The following DENND1A variants were observed in gnomAD, a reference collection of about 807,000 sequenced individuals.
DENND1A encodes the protein DENN domain-containing protein 1A.
A neutral mutation model predicts 113.7 loss-of-function variants in DENND1A; 51 were observed. The ratio of observed to expected loss-of-function variants is 0.45; its 90% CI spans 0.36 to 0.57. DENND1A has a LOEUF of 0.57. Among genes scored for constraint, DENND1A ranks in the 20% least tolerant of loss-of-function variants. The pLI, the probability that DENND1A is intolerant of heterozygous loss-of-function variation, is 0.00. For synonymous variants in DENND1A, 565 were observed against 570.8 expected (o/e 0.99, Z 0.14); for missense variants, 1,258 against 1,395.9 (o/e 0.90, Z 1.57).
chr9:123,547,516 T>A (rs2056780468), intron 13 of DENND1A, among the ~76,000 whole-genome samples: 1 of 152,032 alleles, frequency 6.6e-6, no homozygotes, highest in South Asian at 2.1e-4. Context: ...GCAACAAGAG[T>A]GAAGCTCTGT....
At chr9:123,661,182 C>T (rs376800123) in intron 8 of DENND1A, among the ~76,000 whole-genome samples, 1 of 152,260 alleles carries the variant, frequency 6.6e-6, no homozygotes, top group South Asian at 2.1e-4. Context: ...GGCTAGGAGA[C>T]GGGGTGCAAA....
chr9:123,512,755 A>G (rs1363157157), intron 13 of DENND1A, among the ~76,000 whole-genome samples: 1 of 152,238 alleles, frequency 6.6e-6, no homozygotes, highest in African/African-American at 2.4e-5. Flanking sequence ...AAGGAGGGGC[A>G]GATTTGGAGT....
At chr9:123,902,317 T>G (rs567231806) in intron 1 of DENND1A, among the ~76,000 whole-genome samples, 9 of 152,224 alleles carry the variant, frequency 5.9e-5, no homozygotes, top group South Asian at 2.1e-4. Flanking sequence ...AAAAGTTCAG[T>G]GAAAGCAGAG....
chr9:123,719,893 C>T (rs1181954387), intron 5 of DENND1A, among the ~76,000 whole-genome samples: 2 of 152,136 alleles, frequency 1.3e-5, no homozygotes, highest in African/African-American at 2.4e-5. Context: ...AAGTTTCCAA[C>T]TCTAGAACAT....
intron 2 of DENND1A, among the ~76,000 whole-genome samples, chr9:123,855,491 A>C (rs934711871): frequency 6.6e-6 from 1 of 152,190 alleles, no homozygotes; most frequent in African/African-American, 2.4e-5. Flanking sequence ...GGTATGAAAG[A>C]AAATAGACTA....
intron 11 of DENND1A, among the ~76,000 whole-genome samples, chr9:123,602,368 AT>A (rs972325672): frequency 1.3e-5 from 2 of 152,070 alleles, no homozygotes; most frequent in African/African-American, 2.4e-5. Flanking sequence ...TCTTTCATAT[AT>A]TTTTTTCCAA....
chr9:123,561,530 T>C (rs1564722415), intron 12 of DENND1A, among the ~76,000 whole-genome samples: 1 of 152,136 alleles, frequency 6.6e-6, no homozygotes, highest in East Asian at 1.9e-4. Context: ...GTCCTTTAAA[T>C]AAAAGTAAGG....
intron 12 of DENND1A, chr9:123,569,557 C>T (rs543551957): frequency 5.9e-5 from 9 of 152,354 alleles, no homozygotes; most frequent in East Asian, 1.9e-4. Flanking sequence ...CATACACACA[C>T]GCTTAGGGCA....
chr9:123,847,041 A>G (rs1325840877), intron 2 of DENND1A, among the ~76,000 whole-genome samples: 2 of 152,198 alleles, frequency 1.3e-5, no homozygotes, highest in Non-Finnish European at 2.9e-5. Flanking sequence ...ACAGGGTCTC[A>G]CTATTTGCCC....
chr9:123,674,841 C>CT lies in DENND1A; in HGVS notation c.372+1878dup, dbSNP rs11327678. Among the ~76,000 whole-genome samples the CT allele has an allele frequency of 2.1e-3, 278 of 132,328 alleles. 2 individuals carry two copies. The highest frequency in any genetic ancestry group is 7.8e-3 in the Middle Eastern group (2 of 256). 86.8% of individuals were successfully genotyped at this position (132,328 alleles called of 152,430 possible). A position where few individuals can be genotyped will look rare whatever the true frequency, so the allele number is the denominator to read the frequency against. ...TCTTTGTTTTGCTGAGTTTTTTTCT[C>CT]TTTTTTTTTTTTTTTTGGACTGGAA... On this transcript the variant is annotated intron_variant, in intron 6 of 23. Transcript: ENST00000394215.
chr9:123,857,960 G>A (rs907971316), intron 2 of DENND1A, among the ~76,000 whole-genome samples: 2 of 151,768 alleles, frequency 1.3e-5, no homozygotes, highest in Non-Finnish European at 2.9e-5. Context: ...TCAGGAAGCT[G>A]AGGCAGGAGA....
chr9:123,743,229 AC>A lies in DENND1A; in HGVS notation c.302+14473del. Among the ~76,000 whole-genome samples, 4 of 152,012 alleles carry A rather than the reference AC, an allele frequency of 2.6e-5. No individual in the cohort carries two copies. In the South Asian group the frequency reaches 8.3e-4, roughly 32 times the overall value. On this transcript the variant is annotated intron_variant, in intron 5 of 23. Coordinates refer to ENST00000394215, the MANE Select transcript of DENND1A (RefSeq NM_001352964.2). ...AGGTCAGCCTGGCCAACATGACAAAACCCTGTCTCTACTAAAAATAAATTAG... is the reference window on the plus strand; with the variant it reads ...AGGTCAGCCTGGCCAACATGACAAAACCTGTCTCTACTAAAAATAAATTAG...
chr9:123,852,818 A>G (rs1267971498), intron 2 of DENND1A, among the ~76,000 whole-genome samples: 1 of 152,242 alleles, frequency 6.6e-6, no homozygotes, highest in East Asian at 1.9e-4. Flanking sequence ...ACACAGCTCA[A>G]AAACATTGGC....
chr9:123,506,656 A>T (rs185695785), intron 13 of DENND1A, among the ~76,000 whole-genome samples: 3 of 151,978 alleles, frequency 2.0e-5, no homozygotes, highest in Non-Finnish European at 4.4e-5. Context: ...TATCCTCATA[A>T]CAACTTACAG....
At chr9:123,662,220 T>C (rs889679043) in intron 8 of DENND1A, among the ~76,000 whole-genome samples, 1 of 152,192 alleles carries the variant, frequency 6.6e-6, no homozygotes, top group African/African-American at 2.4e-5. Flanking sequence ...TCTTCAAAGT[T>C]GGGAAGATAG....
chr9:123,646,752 C>A lies in DENND1A; in HGVS notation c.618+5261G>T, dbSNP rs193273616. On this transcript the variant is annotated intron_variant, in intron 9 of 23. Coordinates refer to ENST00000394215, the MANE Select transcript of DENND1A (RefSeq NM_001352964.2). The stretch of plus-strand genomic sequence containing the variant: ...AGCTTCATGAGGACAGGGATTGTTG[C>A]CTGTTTTGTTCACTGCCGTAATCCC... Among the ~76,000 whole-genome samples, 358 of 152,216 alleles carry A rather than the reference C, an allele frequency of 2.4e-3. 3 individuals are homozygous for A. The highest frequency in any genetic ancestry group is 8.3e-3 in the African/African-American group (344 of 41,528).
chr9:123,827,431 C>T (rs967651490), intron 2 of DENND1A, among the ~76,000 whole-genome samples: 3 of 148,634 alleles, frequency 2.0e-5, no homozygotes, highest in African/African-American at 7.4e-5. Context: ...GGGAGGAACA[C>T]CTGACCCTGG....
intron 11 of DENND1A, among the ~76,000 whole-genome samples, chr9:123,608,059 A>G (rs2137660527): frequency 6.6e-6 from 1 of 152,314 alleles, no homozygotes; most frequent in Middle Eastern, 3.4e-3. Context: ...TAAAACACAG[A>G]AGAAATCTCT....
chr9:123,602,255 A>G (rs1189508712), intron 11 of DENND1A, among the ~76,000 whole-genome samples: 1 of 152,278 alleles, frequency 6.6e-6, no homozygotes, highest in East Asian at 1.9e-4. Context: ...AATACAATGT[A>G]AATGTTAAAT....
Sources: gnomAD v4.1 joint callset for allele counts (sites outside exome capture counted in the v4.1 genomes callset) on GRCh38, gnomAD v4.1.1 for gene constraint, MANE v1.5 for transcripts, NCBI Gene and HGNC (gene_info 2026-07-23, HGNC 2026-07-21) for gene names.